PLPPR1: variants seen among roughly 807,000 people sequenced by gnomAD.
PLPPR1 encodes phospholipid phosphatase related 1.
Under a neutral mutation model 33.1 loss-of-function variants are expected in PLPPR1, and 10 were observed. The observed-to-expected ratio is 0.30, with a 90% confidence interval of 0.19 to 0.51. The LOEUF is 0.51. Ranked by LOEUF, PLPPR1 falls within the 20% of genes least tolerant of loss-of-function variation. The probability of loss-of-function intolerance (pLI) is 0.97; values close to 1 mark genes in which losing one functional copy is unlikely to be tolerated. For synonymous variants in PLPPR1, 151 were observed against 151.0 expected, an observed-to-expected ratio of 1.00 and a Z score of 0.00; for missense variants, 304 against 408.1, an observed-to-expected ratio of 0.74 and a Z score of 2.20.
intron 1 of PLPPR1, among the ~76,000 whole-genome samples, chr9:101,080,181 T>C (rs1001239221): frequency 1.3e-5 from 2 of 152,226 alleles, no homozygotes; most frequent in African/African-American, 2.4e-5. Flanking sequence ...AATCTCTGCA[T>C]ACTATGGAGA....
At chr9:101,223,414 C>G (rs1826995098) in intron 2 of PLPPR1, among the ~76,000 whole-genome samples, 1 of 151,574 alleles carries the variant, frequency 6.6e-6, no homozygotes, top group Admixed American at 6.6e-5. Flanking sequence ...GATGAAATGG[C>G]AAATGTAGTG....
intron 4 of PLPPR1, among the ~76,000 whole-genome samples, chr9:101,301,689 A>G (rs554316602): frequency 6.6e-6 from 1 of 152,294 alleles, no homozygotes; most frequent in East Asian, 1.9e-4. Context: ...CTTATTTTTG[A>G]AGCACAATAT....
intron 1 of PLPPR1, among the ~76,000 whole-genome samples, chr9:101,135,128 A>G (rs16919936): frequency 0.024 from 3,702 of 152,302 alleles, 151 homozygotes; most frequent in African/African-American, 0.085. Flanking sequence ...GAGATTACAA[A>G]GAACCTGGAC....
intron 1 of PLPPR1, among the ~76,000 whole-genome samples, chr9:101,131,843 C>A (rs1831317872): frequency 6.6e-6 from 1 of 152,184 alleles, no homozygotes; most frequent in Admixed American, 6.5e-5. Context: ...TTTAGCTTTG[C>A]CACTTACTGG....
chr9:101,232,185 T>G (rs967431189), intron 2 of PLPPR1, among the ~76,000 whole-genome samples: 3 of 152,038 alleles, frequency 2.0e-5, no homozygotes, highest in African/African-American at 7.2e-5. Flanking sequence ...CGTTTTATTT[T>G]TTTAATGTCT....
Position 101,324,283 on chromosome 9 carries a change from C to G in PLPPR1, c.*226C>G, listed in dbSNP as rs1829210998. On this transcript the variant is annotated 3_prime_UTR_variant, in exon 8 of 8. Transcript: ENST00000374874. ...ATTTATGCCAGAATTTTAAAACCAA[C>G]AAAATTTTCTTGTTCAAGCGTGCAT... 1 of 408,428 alleles carries G rather than the reference C, an allele frequency of 2.4e-6. No individual in the cohort carries two copies. Among genetic ancestry groups the G allele is most frequent in the South Asian group, 5.8e-5 (1 of 17,356 alleles). The allele number at this position is 408,428 out of a possible 1,614,324, so 25.3% of individuals were successfully genotyped here.
chr9:101,192,414 G>T (rs540396841), intron 2 of PLPPR1, among the ~76,000 whole-genome samples: 1 of 152,284 alleles, frequency 6.6e-6, no homozygotes, highest in East Asian at 1.9e-4. Context: ...CAAAAGCACA[G>T]AGTTTGAGTC....
At chr9:101,219,978 C>A (rs75743895) in intron 2 of PLPPR1, among the ~76,000 whole-genome samples, 3,578 of 152,258 alleles carry the variant, frequency 0.023, 138 homozygotes, top group African/African-American at 0.082. Flanking sequence ...AGTATTCTGG[C>A]AGAAATAATG....
intron 2 of PLPPR1, among the ~76,000 whole-genome samples, chr9:101,250,478 C>T (rs897271130): frequency 6.6e-6 from 1 of 152,014 alleles, no homozygotes; most frequent in African/African-American, 2.4e-5. Flanking sequence ...TTTGGCTCTC[C>T]TTAATTATAT....
At chr9:101,187,294 TG>T (rs1468458639) in intron 2 of PLPPR1, 2 of 151,968 alleles carry the variant, frequency 1.3e-5, no homozygotes, top group African/African-American at 2.4e-5. Context: ...CAAAGTGAGA[TG>T]TTTAATTTAT....
In PLPPR1 at chr9:101,185,526, A is replaced by G. The variant is rs1826189282; in HGVS notation, c.32A>G (p.Tyr11Cys). ...GTAGGAAACAACACTCAACGAAGTT[A>G]TTCCATCATCCCGTGTTTTATATTT... MAVGNNTQRS[Y>C]SIIPCFIFVE... Residue 11 changes from tyrosine to cysteine, a missense_variant, in exon 2 of 8, where the codon TAT becomes TGT. By Grantham distance (194) the Tyr-to-Cys change is radical. Coordinates refer to ENST00000374874, the MANE Select transcript of PLPPR1 (RefSeq NM_207299.2). 6.2e-7 allele frequency: 1 copy of G among 1,610,100 alleles called. No individual in the cohort carries two copies. Among genetic ancestry groups the G allele is most frequent in the Admixed American group, 1.7e-5 (1 of 59,584 alleles).
chr9:101,042,779 G>A (rs1830091254), intron 1 of PLPPR1, among the ~76,000 whole-genome samples: 1 of 151,928 alleles, frequency 6.6e-6, no homozygotes, highest in African/African-American at 2.4e-5. Flanking sequence ...TTTTAAAATG[G>A]GAATTAAAAA....
chr9:101,113,975 T>A (rs571732156), intron 1 of PLPPR1, among the ~76,000 whole-genome samples: 7 of 151,904 alleles, frequency 4.6e-5, no homozygotes, highest in African/African-American at 1.7e-4. Context: ...GGAGATGATA[T>A]GAGGAAGCAC....
chr9:101,143,803 G>T (rs534879597), intron 1 of PLPPR1, among the ~76,000 whole-genome samples: 26 of 152,284 alleles, frequency 1.7e-4, no homozygotes, highest in African/African-American at 6.3e-4. Flanking sequence ...AGGATGTGGA[G>T]AAATAGGAAC....
At chr9:101,308,649 T>A (rs552050649) in intron 4 of PLPPR1, among the ~76,000 whole-genome samples, 2 of 151,520 alleles carry the variant, frequency 1.3e-5, no homozygotes, top group South Asian at 4.2e-4. Flanking sequence ...TCTAGAATAA[T>A]TTTTTTAAAA....
intron 2 of PLPPR1, among the ~76,000 whole-genome samples, chr9:101,234,896 G>A (rs1827268879): frequency 6.6e-6 from 1 of 151,804 alleles, no homozygotes; most frequent in South Asian, 2.1e-4. Flanking sequence ...ACTTTTTGCT[G>A]TTTCTTAAGA....
chr9:101,191,066 C>T (rs1826289671), intron 2 of PLPPR1, among the ~76,000 whole-genome samples: 1 of 152,070 alleles, frequency 6.6e-6, no homozygotes, highest in African/African-American at 2.4e-5. Flanking sequence ...ATTTTAAAAG[C>T]CAGGATATAA....
chr9:101,034,664 A>G (rs1829988293), intron 1 of PLPPR1, among the ~76,000 whole-genome samples: 1 of 152,158 alleles, frequency 6.6e-6, no homozygotes, highest in Non-Finnish European at 1.5e-5. Flanking sequence ...GTTTGTGAGG[A>G]TTAACTGAGT....
chr9:101,143,811 A>G (rs554488174), intron 1 of PLPPR1, among the ~76,000 whole-genome samples: 1 of 152,196 alleles, frequency 6.6e-6, no homozygotes, highest in African/African-American at 2.4e-5. Flanking sequence ...GAGAAATAGG[A>G]ACACTTTTAC....
Sources: allele counts gnomAD v4.1 joint callset (sites outside exome capture counted in the v4.1 genomes callset), GRCh38; gene constraint gnomAD v4.1.1; transcripts MANE v1.5; gene names NCBI Gene and HGNC (gene_info 2026-07-23, HGNC 2026-07-21).